The following CACNB4 variants were observed in gnomAD, a reference collection of about 807,000 sequenced individuals.
CACNB4 encodes voltage-dependent L-type calcium channel subunit beta-4.
A neutral mutation model predicts 71.2 loss-of-function variants in CACNB4; 32 were observed. The ratio of observed to expected loss-of-function variants is 0.45; its 90% CI spans 0.34 to 0.60. CACNB4 has a LOEUF of 0.60. Among genes scored for constraint, CACNB4 ranks in the 20% least tolerant of loss-of-function variants. The pLI is 0.01. For missense variants in CACNB4, 464 were observed against 647.9 expected (o/e 0.72, Z 3.08); for synonymous variants, 231 against 236.9 (o/e 0.97, Z 0.23).
intron 2 of CACNB4, among the ~76,000 whole-genome samples, chr2:151,955,676 T>C (rs2099868071): frequency 6.6e-6 from 1 of 151,946 alleles, no homozygotes; most frequent in Middle Eastern, 3.4e-3. Context: ...GAGGCTGAGG[T>C]GGGAGGCTTG....
chr2:152,098,948 C>T lies in CACNB4; in HGVS notation c.63+1G>A. On this transcript the variant is annotated splice_donor_variant, in intron 1 of 13. Coordinates refer to ENST00000539935, the MANE Select transcript of CACNB4 (RefSeq NM_000726.5). LOFTEE classifies it high-confidence loss of function. This position sits in a 1 kb window ranked among gnomAD's most constrained non-coding sequence, Gnocchi z 5.3. ...GGAGAAGGGGGAGGAGGGGGCGGTA[C>T]CTGCGAGGTGGGGGAGTGCGGCCCG... The T allele has an allele frequency of 6.7e-7, 1 of 1,502,078 alleles. No homozygotes were observed. Among genetic ancestry groups the T allele is most frequent in the Non-Finnish European group, 8.9e-7 (1 of 1,124,146 alleles). The allele number at this position is 1,502,078 out of a possible 1,614,324, so 93.0% of individuals were successfully genotyped here. A position where few individuals can be genotyped will look rare whatever the true frequency, so the allele number is the denominator to read the frequency against.
rs1391539895 is a variant in CACNB4, at chr2:151,835,882, T to C, written c.*3237A>G. 6.6e-6 allele frequency: 1 copy of C among 151,874 alleles called. No individual in the cohort carries two copies. Among genetic ancestry groups the C allele is most frequent in the Non-Finnish European group, 1.5e-5 (1 of 67,748 alleles). The allele number at this position is 151,874 out of a possible 1,614,324, so 9.4% of individuals were successfully genotyped here. A position where few individuals can be genotyped will look rare whatever the true frequency, so the allele number is the denominator to read the frequency against. On this transcript the variant is annotated 3_prime_UTR_variant, in exon 14 of 14. Coordinates refer to ENST00000539935, the MANE Select transcript of CACNB4 (RefSeq NM_000726.5). ...CAAATAATTGTCTCAGAATTTGTTT[T>C]ACATTAATAAAATTCATTTCATTAA...
rs71410446 is a variant in CACNB4 at position 151,963,311 on chromosome 2, C to CAAA, written c.148-79944_148-79942dup. Among the ~76,000 whole-genome samples, 62 of 60,334 alleles carry CAAA rather than the reference C, an allele frequency of 1.0e-3. 1 individual carries two copies. Among genetic ancestry groups the CAAA allele is most frequent in the African/African-American group, 2.8e-3 (46 of 16,368 alleles). 39.6% of individuals were successfully genotyped at this position (60,334 alleles called of 152,430 possible). On this transcript the variant is annotated intron_variant, in intron 2 of 13. Transcript: ENST00000539935. ...TGGGTGACAGAGAAAGACACCGTCT[C>CAAA]AAAAAAAAAAAAAAAAAAAAAAATG...
intron 2 of CACNB4, among the ~76,000 whole-genome samples, chr2:151,896,592 T>C (rs568900071): frequency 6.6e-6 from 1 of 152,094 alleles, no homozygotes; most frequent in East Asian, 1.9e-4. Context: ...CCATTTGGAG[T>C]TTGGAGTGGT....
chr2:151,978,446 G>A (rs2099874178), intron 2 of CACNB4, among the ~76,000 whole-genome samples: 1 of 152,064 alleles, frequency 6.6e-6, no homozygotes, highest in Admixed American at 6.5e-5. Context: ...ATGAAGCAAA[G>A]TGCTTATGAG....
intron 2 of CACNB4, chr2:151,972,098 A>G (rs2099872721): frequency 6.3e-6 from 1 of 158,874 alleles, no homozygotes; most frequent in East Asian, 1.8e-4. Flanking sequence ...AAATGTTTTC[A>G]TACTTATAAT....
At chr2:151,955,678 G>T (rs1055581269) in intron 2 of CACNB4, among the ~76,000 whole-genome samples, 14 of 152,198 alleles carry the variant, frequency 9.2e-5, no homozygotes, top group African/African-American at 3.1e-4. Flanking sequence ...GGCTGAGGTG[G>T]GAGGCTTGCT....
chr2:151,989,577 T>G (rs1681571270), intron 2 of CACNB4, among the ~76,000 whole-genome samples: 1 of 152,202 alleles, frequency 6.6e-6, no homozygotes, highest in Admixed American at 6.5e-5. Context: ...CCTTCATGGG[T>G]TCTTCACCCT....
rs2105501499 is a variant in CACNB4, at chr2:152,098,211, A to G, written c.147+119T>C. Reference sequence around the variant, plus strand: ...GCCCGAGCACCGGCCGAGGCCGGGAAGAGACGCGCGCGGGCTTGACCCGCA... The same window carrying G: ...GCCCGAGCACCGGCCGAGGCCGGGAGGAGACGCGCGCGGGCTTGACCCGCA... On this transcript the variant is annotated intron_variant, in intron 2 of 13. Transcript: ENST00000539935. The surrounding 1 kb of genome is among the most constrained non-coding windows in gnomAD (Gnocchi z 5.3). 1.4e-6 allele frequency: 1 copy of G among 722,222 alleles called. No homozygotes were observed. The highest frequency in any genetic ancestry group is 2.6e-5 in the East Asian group (1 of 38,864). 44.7% of individuals were successfully genotyped at this position (722,222 alleles called of 1,614,324 possible).
chr2:152,006,401 CTTTTTT>C (rs60046879), intron 2 of CACNB4, among the ~76,000 whole-genome samples: 5 of 138,554 alleles, frequency 3.6e-5, no homozygotes, highest in Admixed American at 2.2e-4. Context: ...TCTTTTCTTT[CTTTTTT>C]TTTTTTTTTC....
At chr2:152,009,749 G>C (rs547705411) in intron 2 of CACNB4, among the ~76,000 whole-genome samples, 2 of 152,188 alleles carry the variant, frequency 1.3e-5, no homozygotes, top group East Asian at 3.9e-4. Flanking sequence ...TTGTAGCTCT[G>C]AGGAAAGACG....
chr2:152,085,065 A>C (rs1330296663), intron 2 of CACNB4, among the ~76,000 whole-genome samples: 1 of 152,192 alleles, frequency 6.6e-6, no homozygotes, highest in Non-Finnish European at 1.5e-5. Context: ...TTCACAGAGA[A>C]TATTGAAGAC....
At position 151,966,409 on chromosome 2, in the gene CACNB4, T is replaced by C. The variant is rs149244599; in HGVS notation, c.148-83039A>G. 8.9e-3 allele frequency among the ~76,000 whole-genome samples: 1,359 copies of C among 152,146 alleles called. 16 individuals carry two copies. Among genetic ancestry groups the C allele is most frequent in the African/African-American group, 0.031 (1,275 of 41,494 alleles). On this transcript the variant is annotated intron_variant, in intron 2 of 13. Transcript: ENST00000539935. ...GATTCTCCTGCCTCAGTCTCCTGGG[T>C]ACCTGGGATTACAGGCACCCACCAC...
chr2:152,045,675 T>C (rs775919287), intron 2 of CACNB4, among the ~76,000 whole-genome samples: 16 of 151,914 alleles, frequency 1.1e-4, no homozygotes, highest in African/African-American at 2.7e-4. Flanking sequence ...CAAAGTCTTA[T>C]AAGTAGCCTC....
chr2:151,954,914 G>C (rs956811396), intron 2 of CACNB4, among the ~76,000 whole-genome samples: 41 of 140,780 alleles, frequency 2.9e-4, no homozygotes, highest in Non-Finnish European at 4.6e-4. Flanking sequence ...AGTGCAGTGG[G>C]GCGATCTCAG....
At position 151,872,406 on chromosome 2, in the gene CACNB4, A is replaced by G. The variant is rs775809209; in HGVS notation, c.598+11T>C. The stretch of plus-strand genomic sequence containing the variant: ...ACAGTGTATGAAAAAGAGTTTAACT[A>G]CAACCCTCACCTGTTGATGTGGGAG... On this transcript the variant is annotated intron_variant, in intron 6 of 13. Coordinates refer to ENST00000539935, the MANE Select transcript of CACNB4 (RefSeq NM_000726.5). The G allele has an allele frequency of 2.0e-6, 3 of 1,511,222 alleles. No homozygotes were observed. The Admixed American group carries it at 5.3e-5, about 27-fold the overall frequency. The allele number at this position is 1,511,222 out of a possible 1,614,324, so 93.6% of individuals were successfully genotyped here.
At chr2:152,061,191 C>T (rs1216148550) in intron 2 of CACNB4, among the ~76,000 whole-genome samples, 1 of 151,960 alleles carries the variant, frequency 6.6e-6, no homozygotes, top group Non-Finnish European at 1.5e-5. Context: ...ATGCCTGTAG[C>T]CTCCCAGCTA....
intron 12 of CACNB4, chr2:151,851,958 G>A (rs1322386923): frequency 6.6e-6 from 1 of 152,164 alleles, no homozygotes; most frequent in Non-Finnish European, 1.5e-5. Flanking sequence ...ACATTCCACT[G>A]TGTAATTGGG....
intron 2 of CACNB4, among the ~76,000 whole-genome samples, chr2:151,938,830 G>A (rs562759845): frequency 3.9e-5 from 6 of 152,184 alleles, no homozygotes; most frequent in Non-Finnish European, 8.8e-5. Flanking sequence ...TCAGATGTCT[G>A]ATTTTGTTGT....
Sources: gnomAD v4.1 joint callset for allele counts (sites outside exome capture counted in the v4.1 genomes callset) on GRCh38, gnomAD v4.1.1 for gene constraint, Gnocchi (gnomAD v3.1) non-coding constraint, MANE v1.5 for transcripts, NCBI Gene and HGNC (gene_info 2026-07-23, HGNC 2026-07-21) for gene names.